The following TESC variants were observed in gnomAD, a reference collection of about 807,000 sequenced individuals.
TESC encodes the protein tescalcin, also known as calcineurin B homologous protein 3.
In TESC, 19 loss-of-function variants were observed where a neutral mutation model predicts 31.0. That is an observed-to-expected ratio of 0.61 (90% confidence interval 0.43 to 0.90). The LOEUF is 0.90. Ranked by LOEUF, TESC falls within the 40% of genes least tolerant of loss-of-function variation. TESC has a pLI of 0.00. For synonymous variants in TESC, 109 were observed against 114.8 expected, an observed-to-expected ratio of 0.95 and a Z score of 0.32; for missense variants, 248 against 303.8, an observed-to-expected ratio of 0.82 and a Z score of 1.36.
intron 2 of TESC, among the ~76,000 whole-genome samples, chr12:117,069,831 AATCTTAT>A (rs1287217335): frequency 6.6e-6 from 1 of 152,206 alleles, no homozygotes; most frequent in African/African-American, 2.4e-5. Flanking sequence ...GCAACTTACA[AATCTTAT>A]TCATCTGTAT....
chr12:117,053,725 C>A (rs551611302), intron 3 of TESC, among the ~76,000 whole-genome samples: 2 of 152,212 alleles, frequency 1.3e-5, no homozygotes, highest in East Asian at 3.9e-4. Context: ...CACACATGCT[C>A]CCTCTCTCGC....
At chr12:117,047,689 G>GTAATCACAC (rs1954587887) in intron 4 of TESC, among the ~76,000 whole-genome samples, 1 of 152,072 alleles carries the variant, frequency 6.6e-6, no homozygotes, top group Non-Finnish European at 1.5e-5. Flanking sequence ...CTCCCAAAGT[G>GTAATCACAC]CTGGGATTAC....
intron 7 of TESC, among the ~76,000 whole-genome samples, chr12:117,041,333 C>G (rs2135743237): frequency 6.6e-6 from 1 of 152,138 alleles, no homozygotes; most frequent in Non-Finnish European, 1.5e-5. Flanking sequence ...CCAACTACAA[C>G]AGGGCCTTTT....
chr12:117,094,366 G>T (rs1038052876), intron 1 of TESC, among the ~76,000 whole-genome samples: 2 of 152,190 alleles, frequency 1.3e-5, no homozygotes, highest in African/African-American at 4.8e-5. Context: ...GACAGCTGGT[G>T]AGGGTGGCAC....
At chr12:117,071,835 A>G (rs532386740) in intron 2 of TESC, among the ~76,000 whole-genome samples, 1 of 152,232 alleles carries the variant, frequency 6.6e-6, no homozygotes, top group Non-Finnish European at 1.5e-5. Context: ...CTCCTGCAGG[A>G]GGAGGACGCT....
At chr12:117,047,187 A>G (rs1954581274) in intron 4 of TESC, among the ~76,000 whole-genome samples, 1 of 152,234 alleles carries the variant, frequency 6.6e-6, no homozygotes, top group South Asian at 2.1e-4. Context: ...CGTTAACACA[A>G]GTCAAACGGT....
At chr12:117,087,006 A>AG (rs1358390032) in intron 1 of TESC, among the ~76,000 whole-genome samples, 2 of 152,178 alleles carry the variant, frequency 1.3e-5, no homozygotes, top group African/African-American at 4.8e-5. Context: ...GGAGGCAGGG[A>AG]GGGACAGCCT....
At chr12:117,093,509 T>TGG (rs777364144) in intron 1 of TESC, among the ~76,000 whole-genome samples, 13 of 152,268 alleles carry the variant, frequency 8.5e-5, no homozygotes, top group Non-Finnish European at 1.6e-4. Context: ...ACCCCCTGCC[T>TGG]TGGCCTCCCA....
chr12:117,082,364 C>T (rs377018042), intron 1 of TESC, among the ~76,000 whole-genome samples: 1 of 151,644 alleles, frequency 6.6e-6, no homozygotes, highest in Admixed American at 6.6e-5. Flanking sequence ...ATTAGCCGGG[C>T]ATGGTGGCAG....
intron 1 of TESC, among the ~76,000 whole-genome samples, chr12:117,087,419 G>A (rs533427645): frequency 9.2e-5 from 14 of 152,226 alleles, no homozygotes; most frequent in South Asian, 6.2e-4. Context: ...TTTCAACCTC[G>A]GATACCAAGG....
chr12:117,047,518 G>A (rs1954586048), intron 4 of TESC, among the ~76,000 whole-genome samples: 1 of 152,078 alleles, frequency 6.6e-6, no homozygotes, highest in Non-Finnish European at 1.5e-5. Context: ...TCTGCCTCCT[G>A]GGTTCGAGAG....
At chr12:117,071,667 T>C (rs146392709) in intron 2 of TESC, among the ~76,000 whole-genome samples, 469 of 152,214 alleles carry the variant, frequency 3.1e-3, no homozygotes, top group Non-Finnish European at 5.3e-3. Context: ...GGGTGCTACA[T>C]ATGAGGTCCT....
chr12:117,042,673 G>A (rs896642898), intron 6 of TESC, among the ~76,000 whole-genome samples: 1 of 152,214 alleles, frequency 6.6e-6, no homozygotes, highest in African/African-American at 2.4e-5. Context: ...CTCTGGGGAT[G>A]ACACCAGGTG....
intron 2 of TESC, among the ~76,000 whole-genome samples, chr12:117,059,352 C>G (rs943040941): frequency 6.6e-6 from 1 of 152,128 alleles, no homozygotes; most frequent in Non-Finnish European, 1.5e-5. Context: ...GCCTCCTGTC[C>G]CTCCCACCCA....
At chr12:117,041,258 G>C (rs923983592) in intron 7 of TESC, among the ~76,000 whole-genome samples, 1 of 152,156 alleles carries the variant, frequency 6.6e-6, no homozygotes, top group African/African-American at 2.4e-5. Flanking sequence ...TGTGCAGTCA[G>C]CTCCAAACTG....
At position 117,099,401 on chromosome 12, in the gene TESC, C is replaced by G; in HGVS notation, c.-119G>C. 7.7e-6 allele frequency: 8 copies of G among 1,038,974 alleles called. No individual in the cohort carries two copies. The highest frequency in any genetic ancestry group is 9.9e-6 in the Non-Finnish European group (8 of 804,152). 64.4% of individuals were successfully genotyped at this position (1,038,974 alleles called of 1,614,324 possible). ...TCGGGTCGGGACGCCGGCGAAGGCTCGGAGCCGCGGGTTCCGCGTGGGGCC... is the reference window on the plus strand; with the variant it reads ...TCGGGTCGGGACGCCGGCGAAGGCTGGGAGCCGCGGGTTCCGCGTGGGGCC... On this transcript the variant is annotated 5_prime_UTR_variant, in exon 1 of 8. Coordinates refer to ENST00000335209, the MANE Select transcript of TESC (RefSeq NM_017899.4).
At chr12:117,090,046 GA>G (rs200813510) in intron 1 of TESC, among the ~76,000 whole-genome samples, 76 of 143,754 alleles carry the variant, frequency 5.3e-4, no homozygotes, top group East Asian at 4.6e-3. Context: ...ACGAATCGCT[GA>G]AAAAAAAAAA....
At chr12:117,066,823 C>T (rs1485812631) in intron 2 of TESC, among the ~76,000 whole-genome samples, 2 of 152,122 alleles carry the variant, frequency 1.3e-5, no homozygotes, top group Non-Finnish European at 2.9e-5. Flanking sequence ...CTCTAAAACC[C>T]ATCACGGAAG....
chr12:117,073,169 G>A (rs757635939), intron 2 of TESC, among the ~76,000 whole-genome samples: 5 of 152,092 alleles, frequency 3.3e-5, no homozygotes, highest in East Asian at 1.9e-4. Flanking sequence ...GAAACCACCC[G>A]CCCTCCATCC....
Sources: allele counts gnomAD v4.1 joint callset (sites outside exome capture counted in the v4.1 genomes callset), GRCh38; gene constraint gnomAD v4.1.1; transcripts MANE v1.5; gene names NCBI Gene and HGNC (gene_info 2026-07-23, HGNC 2026-07-21).